Variants in CCDC148 observed in about 807,000 individuals in gnomAD.
The protein encoded by CCDC148 is coiled-coil domain containing 148, also known as coiled-coil domain-containing protein 148.
CCDC148 carries 89 observed loss-of-function variants against 85.7 expected under a neutral mutation model. The observed-to-expected ratio is 1.04, with a 90% CI of 0.87 to 1.24. The LOEUF (loss-of-function observed/expected upper bound fraction) is 1.24, where lower values mean the gene tolerates loss of function less well. Among genes scored for constraint, CCDC148 ranks in the 50% most tolerant of loss-of-function variants. CCDC148 has a pLI of 0.00. For missense variants in CCDC148, 692 were observed against 671.7 expected (o/e 1.03, Z -0.33); for synonymous variants, 230 against 213.9 (o/e 1.08, Z -0.66).
intron 9 of CCDC148, among the ~76,000 whole-genome samples, chr2:158,261,149 TG>T (rs1430382467): frequency 6.6e-6 from 1 of 152,038 alleles, no homozygotes; most frequent in Non-Finnish European, 1.5e-5. Context: ...CAAAACAACA[TG>T]GTACTGGTAC....
At chr2:158,328,559 T>C (rs372199990) in intron 7 of CCDC148, among the ~76,000 whole-genome samples, 6,303 of 152,180 alleles carry the variant, frequency 0.041, 219 homozygotes, top group African/African-American at 0.09. Flanking sequence ...AAATGGTATT[T>C]CTAGTTCTAG....
At chr2:158,452,151 T>C (rs1157350235) in intron 1 of CCDC148, among the ~76,000 whole-genome samples, 28 of 152,126 alleles carry the variant, frequency 1.8e-4, no homozygotes, top group Admixed American at 1.8e-3. Flanking sequence ...CCTTCACAAA[T>C]AAATGTGACT....
intron 3 of CCDC148, 58 bp downstream of exon 3, chr2:158,345,157 A>G: frequency 1.7e-6 from 2 of 1,168,070 alleles, no homozygotes; most frequent in Non-Finnish European, 2.5e-6. Flanking sequence ...ACATCTGACA[A>G]GATAAGTGCT....
intron 9 of CCDC148, among the ~76,000 whole-genome samples, chr2:158,295,879 A>G (rs1016625480): frequency 8.2e-4 from 124 of 152,128 alleles, no homozygotes; most frequent in African/African-American, 2.8e-3. Context: ...GGCCAGGGCA[A>G]TTAGTCAGGA....
chr2:158,427,968 G>T (rs1487443647), intron 1 of CCDC148, among the ~76,000 whole-genome samples: 1 of 152,178 alleles, frequency 6.6e-6, no homozygotes, highest in African/African-American at 2.4e-5. Context: ...AAGCAGGAGA[G>T]GCAGACAATG....
At chr2:158,351,932 A>T (rs2105257779) in intron 2 of CCDC148, among the ~76,000 whole-genome samples, 1 of 146,590 alleles carries the variant, frequency 6.8e-6, no homozygotes, top group Non-Finnish European at 1.5e-5. Flanking sequence ...ACCCCTGAGC[A>T]GCCTAACTGG....
In CCDC148 at chr2:158,428,164, C is replaced by T. The variant is rs186515905; in HGVS notation, c.25+28251G>A. Among the ~76,000 whole-genome samples, 9 of 152,128 alleles carry T rather than the reference C, an allele frequency of 5.9e-5. No homozygotes were observed. In the East Asian group the frequency reaches 1.7e-3, roughly 29 times the overall value. ...GAGGATTAGAGGAGATACACAGAGG[C>T]CACTTAGGAGACTGTTACAGTAGAT... is the stretch of plus-strand genomic sequence containing the variant. On this transcript the variant is annotated intron_variant, in intron 1 of 13. Transcript: ENST00000283233.
chr2:158,407,580 A>G (rs1686080172), intron 1 of CCDC148, among the ~76,000 whole-genome samples: 1 of 152,222 alleles, frequency 6.6e-6, no homozygotes, highest in African/African-American at 2.4e-5. Context: ...ATATACAGCC[A>G]GAACCCTGGA....
In CCDC148 at chr2:158,293,529, A is replaced by G. The variant is rs182027332; in HGVS notation, c.1110+15904T>C. On this transcript the variant is annotated intron_variant, in intron 9 of 13. Transcript: ENST00000283233. The stretch of plus-strand genomic sequence containing the variant: ...GAAGGTAGAGTAGATGGAGACTAAG[A>G]GAAGCCAAGGACTATAGTCACCACT... 3.9e-5 allele frequency among the ~76,000 whole-genome samples: 6 copies of G among 152,362 alleles called. No individual in the cohort carries two copies. The East Asian group carries it at 1.2e-3, about 29-fold the overall frequency.
At chr2:158,220,564 C>T in intron 11 of CCDC148, 31 bp downstream of exon 11, 1 of 1,471,620 alleles carries the variant, frequency 6.8e-7, no homozygotes, top group South Asian at 1.2e-5. Flanking sequence ...TCACCACCTC[C>T]ATTACCACAC....
At chr2:158,344,160 C>A (rs991356854) in intron 3 of CCDC148, among the ~76,000 whole-genome samples, 2 of 151,830 alleles carry the variant, frequency 1.3e-5, no homozygotes, top group African/African-American at 4.8e-5. Context: ...TCAAGTTATG[C>A]ACATTTTCAA....
At chr2:158,326,262 G>A (rs1000652189) in intron 7 of CCDC148, among the ~76,000 whole-genome samples, 3 of 151,964 alleles carry the variant, frequency 2.0e-5, no homozygotes, top group African/African-American at 7.3e-5. Context: ...TCCCAACCCC[G>A]TCTTAACTTT....
chr2:158,228,590 T>C (rs34312314), intron 10 of CCDC148, among the ~76,000 whole-genome samples: 54,066 of 151,818 alleles, frequency 0.36, 11,520 homozygotes, highest in South Asian at 0.6. Context: ...TGGATTAAGA[T>C]AATGTGGCAC....
intron 9 of CCDC148, among the ~76,000 whole-genome samples, chr2:158,262,970 G>A (rs1220445659): frequency 6.6e-6 from 1 of 152,090 alleles, no homozygotes; most frequent in African/African-American, 2.4e-5. Flanking sequence ...CATCTAGCAT[G>A]TCACTACGTG....
intron 11 of CCDC148, among the ~76,000 whole-genome samples, chr2:158,184,313 G>A (rs983264041): frequency 1.3e-5 from 2 of 152,080 alleles, no homozygotes; most frequent in African/African-American, 2.4e-5. Flanking sequence ...CCTTTGTGAA[G>A]CTATTGGAAC....
chr2:158,451,705 C>A (rs1688411247), intron 1 of CCDC148, among the ~76,000 whole-genome samples: 1 of 151,198 alleles, frequency 6.6e-6, no homozygotes, highest in African/African-American at 2.4e-5. Flanking sequence ...GGGATAGAGA[C>A]ACCGCACTAA....
chr2:158,331,265 C>T (rs1026280153), intron 7 of CCDC148, among the ~76,000 whole-genome samples: 2 of 152,150 alleles, frequency 1.3e-5, no homozygotes, highest in Non-Finnish European at 2.9e-5. Context: ...TTGTTATGTA[C>T]CCAGTAGTCA....
chr2:158,370,245 T>C (rs1300919345), intron 1 of CCDC148, among the ~76,000 whole-genome samples: 1 of 152,070 alleles, frequency 6.6e-6, no homozygotes, highest in East Asian at 1.9e-4. Flanking sequence ...TATTTACCTA[T>C]GTAACAAACC....
intron 9 of CCDC148, among the ~76,000 whole-genome samples, chr2:158,289,863 A>G (rs920888809): frequency 3.9e-5 from 6 of 152,250 alleles, no homozygotes; most frequent in African/African-American, 1.4e-4. Flanking sequence ...ATGGCCACAC[A>G]TAACAAAATA....
Sources: allele counts gnomAD v4.1 joint callset (sites outside exome capture counted in the v4.1 genomes callset), GRCh38; gene constraint gnomAD v4.1.1; transcripts MANE v1.5; gene names NCBI Gene and HGNC (gene_info 2026-07-23, HGNC 2026-07-21).